Variants in RFTN1 observed in about 807,000 individuals in gnomAD.
RFTN1 encodes raftlin.
In RFTN1, 26 loss-of-function variants were observed where a neutral mutation model predicts 46.5. The ratio of observed to expected loss-of-function variants is 0.56; its 90% CI spans 0.41 to 0.78. The LOEUF is 0.78. RFTN1 is among the 30% of genes least tolerant of loss of function. The pLI, the probability that RFTN1 is intolerant of heterozygous loss-of-function variation, is 0.00. For synonymous variants in RFTN1, 261 were observed against 284.2 expected, an observed-to-expected ratio of 0.92 and a Z score of 0.82; for missense variants, 693 against 718.7, an observed-to-expected ratio of 0.96 and a Z score of 0.41.
intron 4 of RFTN1, among the ~76,000 whole-genome samples, chr3:16,396,957 G>A (rs2074482405): frequency 6.6e-6 from 1 of 151,640 alleles, no homozygotes; most frequent in South Asian, 2.1e-4. Flanking sequence ...CAGCTACTCG[G>A]GAGGCTGAGG....
chr3:16,482,662 T>A, intron 2 of RFTN1: 1 of 1,121,516 alleles, frequency 8.9e-7, no homozygotes, highest in Non-Finnish European at 1.3e-6. Context: ...AAGATCTCTA[T>A]AAGGATTAAT....
chr3:16,430,382 G>A (rs114018418), intron 3 of RFTN1, among the ~76,000 whole-genome samples: 3,530 of 152,252 alleles, frequency 0.023, 66 homozygotes, highest in Middle Eastern at 0.051. Flanking sequence ...AAAGTGCTGG[G>A]ATTATAGGTG....
At chr3:16,360,275 G>A (rs1201917878) in intron 6 of RFTN1, among the ~76,000 whole-genome samples, 2 of 151,754 alleles carry the variant, frequency 1.3e-5, no homozygotes, top group Non-Finnish European at 2.9e-5. Flanking sequence ...GGGCTCAAGT[G>A]ATCCTCCCAC....
intron 1 of RFTN1, among the ~76,000 whole-genome samples, chr3:16,497,087 T>G (rs1033972840): frequency 7.2e-5 from 11 of 152,162 alleles, no homozygotes; most frequent in Non-Finnish European, 1.5e-4. Flanking sequence ...AGTGACTGCA[T>G]AGAGGATGAG....
intron 6 of RFTN1, among the ~76,000 whole-genome samples, chr3:16,367,390 C>G (rs551204535): frequency 2.2e-4 from 33 of 152,348 alleles, no homozygotes; most frequent in African/African-American, 6.7e-4. Context: ...GGAAGCATTA[C>G]TCCCAGTCAT....
rs1178100478 is a variant in RFTN1, at chr3:16,512,314, C to G, written c.-9+1128G>C. ...TGGCAGGGGTTGGAAGATGCCTAGT[C>G]TAGTTGAGCGCCCAGCTCCTGAAAC... On this transcript the variant is annotated intron_variant, in intron 1 of 9. Transcript: ENST00000334133. The surrounding 1 kb of genome is among the most constrained non-coding windows in gnomAD (Gnocchi z 4.3). Among the ~76,000 whole-genome samples the G allele has an allele frequency of 6.6e-6, 1 of 151,992 alleles. No individual in the cohort carries two copies. The highest frequency in any genetic ancestry group is 1.5e-5 in the Non-Finnish European group (1 of 68,036).
At position 16,373,158 on chromosome 3, in the gene RFTN1, A is replaced by C. The variant is rs536538590; in HGVS notation, c.827-2879T>G. On this transcript the variant is annotated intron_variant, in intron 5 of 9. Transcript: ENST00000334133. ...TGACTCTGCCATGACCCCAGCTGGA[A>C]GATTTTTCCAGACATGGGATGGTAA... is the stretch of plus-strand genomic sequence containing the variant. Among the ~76,000 whole-genome samples the C allele has an allele frequency of 5.3e-5, 8 of 152,338 alleles. No homozygotes were observed. In the South Asian group the frequency reaches 1.7e-3, roughly 32 times the overall value.
intron 3 of RFTN1, among the ~76,000 whole-genome samples, chr3:16,431,128 C>G (rs534863245): frequency 2.6e-5 from 4 of 152,206 alleles, no homozygotes; most frequent in African/African-American, 4.8e-5. Flanking sequence ...AAAGATCCAT[C>G]GATGTGCCCC....
rs59087317 is a variant in RFTN1 at position 16,446,292 on chromosome 3, TA to T, written c.146-12256del. ...AGCTCAGAGGAAACCTAGAAACCTT[TA>T]AAAAAAAAAAAACTGTGGTAAAATA... On this transcript the variant is annotated intron_variant, in intron 2 of 9. Coordinates refer to ENST00000334133, the MANE Select transcript of RFTN1 (RefSeq NM_015150.2). This position sits in a 1 kb window ranked among gnomAD's most constrained non-coding sequence, Gnocchi z 4.5. Among the ~76,000 whole-genome samples the T allele has an allele frequency of 5.4e-3, 779 of 143,824 alleles. 22 individuals are homozygous for T. The highest frequency in any genetic ancestry group is 0.041 in the Admixed American group (597 of 14,456). The allele number at this position is 143,824 out of a possible 152,430, so 94.4% of individuals were successfully genotyped here. A position where few individuals can be genotyped will look rare whatever the true frequency, so the allele number is the denominator to read the frequency against.
intron 2 of RFTN1, among the ~76,000 whole-genome samples, chr3:16,462,923 C>G (rs2076031800): frequency 6.6e-6 from 1 of 152,124 alleles, no homozygotes; most frequent in Non-Finnish European, 1.5e-5. Flanking sequence ...TTGAGCTTAA[C>G]AAAAGTAAAG....
At chr3:16,471,854 A>C (rs2076201842) in intron 2 of RFTN1, 1 of 152,188 alleles carries the variant, frequency 6.6e-6, no homozygotes, top group African/African-American at 2.4e-5. Flanking sequence ...TGTGGTTTAG[A>C]AGGACACTCT....
Position 16,317,339 on chromosome 3 carries a change from C to G in RFTN1, c.1333-107G>C, listed in dbSNP as rs745483963. On this transcript the variant is annotated intron_variant, in intron 9 of 9. Coordinates refer to ENST00000334133, the MANE Select transcript of RFTN1 (RefSeq NM_015150.2). The surrounding 1 kb of genome is among the most constrained non-coding windows in gnomAD (Gnocchi z 4.3). The stretch of plus-strand genomic sequence containing the variant: ...CCACACCATGTCTGAGTGAGACATA[C>G]AATTCCCAGCATCCCCCAGCCAGGC... The G allele has an allele frequency of 9.4e-6, 11 of 1,168,028 alleles. No homozygotes were observed. The East Asian group carries it at 2.7e-4, about 29-fold the overall frequency. 72.4% of individuals were successfully genotyped at this position (1,168,028 alleles called of 1,614,324 possible). A position where few individuals can be genotyped will look rare whatever the true frequency, so the allele number is the denominator to read the frequency against.
chr3:16,316,637 G>A lies in RFTN1; in HGVS notation c.*191C>T. On this transcript the variant is annotated 3_prime_UTR_variant, in exon 10 of 10. Coordinates refer to ENST00000334133, the MANE Select transcript of RFTN1 (RefSeq NM_015150.2). The surrounding 1 kb of genome is among the most constrained non-coding windows in gnomAD (Gnocchi z 4.5). ...CTGGGTCATTAATGACACCTTTCCA[G>A]TGGATGTGCAAAAACCAACACTGTC... The A allele has an allele frequency of 4.4e-6, 3 of 683,400 alleles. No homozygotes were observed. In the South Asian group the frequency reaches 5.2e-5, roughly 12 times the overall value. The allele number at this position is 683,400 out of a possible 1,614,324, so 42.3% of individuals were successfully genotyped here.
At chr3:16,477,181 G>T (rs1374834282) in intron 2 of RFTN1, among the ~76,000 whole-genome samples, 2 of 150,768 alleles carry the variant, frequency 1.3e-5, no homozygotes, top group South Asian at 2.1e-4. Flanking sequence ...TGGGGAAAAA[G>T]GAGTAAATTA....
chr3:16,481,008 C>G lies in RFTN1; in HGVS notation c.145+12717G>C, dbSNP rs1371340474. On this transcript the variant is annotated intron_variant, in intron 2 of 9. Transcript: ENST00000334133. This position sits in a 1 kb window ranked among gnomAD's most constrained non-coding sequence, Gnocchi z 5.1. ...GCACACACACACACAGACACACACA[C>G]ACACACACACACACACACACACCTG... Among the ~76,000 whole-genome samples the G allele has an allele frequency of 6.6e-6, 1 of 151,308 alleles. No homozygotes were observed. The highest frequency in any genetic ancestry group is 2.4e-5 in the African/African-American group (1 of 41,156).
intron 3 of RFTN1, among the ~76,000 whole-genome samples, chr3:16,417,808 A>G (rs1178521584): frequency 6.6e-6 from 1 of 152,224 alleles, no homozygotes; most frequent in African/African-American, 2.4e-5. Context: ...TTCCAGCTCA[A>G]GCAATCCTCC....
chr3:16,480,927 C>T lies in RFTN1; in HGVS notation c.145+12798G>A, dbSNP rs762898841. On this transcript the variant is annotated intron_variant, in intron 2 of 9. Coordinates refer to ENST00000334133, the MANE Select transcript of RFTN1 (RefSeq NM_015150.2). This position sits in a 1 kb window ranked among gnomAD's most constrained non-coding sequence, Gnocchi z 4.3. The stretch of plus-strand genomic sequence containing the variant: ...GTCATCAGCAAGGAATTTCATTTTA[C>T]TGAAGGCAGGCTTAGTTGCTGAAAT... Among the ~76,000 whole-genome samples the T allele has an allele frequency of 1.3e-5, 2 of 151,942 alleles. No homozygotes were observed. Among genetic ancestry groups the T allele is most frequent in the Non-Finnish European group, 2.9e-5 (2 of 68,006 alleles).
At position 16,446,480 on chromosome 3, in the gene RFTN1, C is replaced by A. The variant is rs1486178164; in HGVS notation, c.146-12443G>T. ...AAGGGACACCTCACTTTCAGGTCAC[C>A]AACTATCCTTCTCTGTCTCTGCTAG... On this transcript the variant is annotated intron_variant, in intron 2 of 9. Coordinates refer to ENST00000334133, the MANE Select transcript of RFTN1 (RefSeq NM_015150.2). The surrounding 1 kb of genome is among the most constrained non-coding windows in gnomAD (Gnocchi z 4.5). 6.6e-6 allele frequency among the ~76,000 whole-genome samples: 1 copy of A among 152,026 alleles called. No individual in the cohort carries two copies. The highest frequency in any genetic ancestry group is 2.4e-5 in the African/African-American group (1 of 41,388).
At position 16,450,204 on chromosome 3, in the gene RFTN1, T is replaced by G. The variant is rs1189933855; in HGVS notation, c.146-16167A>C. 6.6e-6 allele frequency among the ~76,000 whole-genome samples: 1 copy of G among 152,210 alleles called. No individual in the cohort carries two copies. The highest frequency in any genetic ancestry group is 2.4e-5 in the African/African-American group (1 of 41,448). ...CTAACCCACAATTTTTAATTTCCTC[T>G]ACTAACTGCCAGAACAAGGGCTCAT... On this transcript the variant is annotated intron_variant, in intron 2 of 9. Coordinates refer to ENST00000334133, the MANE Select transcript of RFTN1 (RefSeq NM_015150.2). This position sits in a 1 kb window ranked among gnomAD's most constrained non-coding sequence, Gnocchi z 4.6.
Sources: gnomAD v4.1 joint callset for allele counts (sites outside exome capture counted in the v4.1 genomes callset) on GRCh38, gnomAD v4.1.1 for gene constraint, Gnocchi (gnomAD v3.1) non-coding constraint, MANE v1.5 for transcripts, NCBI Gene and HGNC (gene_info 2026-07-23, HGNC 2026-07-21) for gene names.